NXPH3: variants seen among roughly 807,000 people sequenced by gnomAD.
NXPH3 encodes neurexophilin-3.
Under a neutral mutation model 18.8 loss-of-function variants are expected in NXPH3, and 7 were observed. The observed-to-expected ratio is 0.37, with a 90% CI of 0.21 to 0.70. The LOEUF (loss-of-function observed/expected upper bound fraction) is 0.70. Ranked by LOEUF, NXPH3 falls within the 30% of genes least tolerant of loss-of-function variation. NXPH3 has a pLI of 0.53. For synonymous variants in NXPH3, 101 were observed against 137.3 expected, an observed-to-expected ratio of 0.74 and a Z score of 1.85; for missense variants, 282 against 338.1, an observed-to-expected ratio of 0.83 and a Z score of 1.30.
chr17:49,577,037 C>T (rs1032503760), intron 1 of NXPH3, among the ~76,000 whole-genome samples: 2 of 152,144 alleles, frequency 1.3e-5, no homozygotes, highest in African/African-American at 4.8e-5. Context: ...CTGGACCTGC[C>T]CCTTTAATCA....
chr17:49,580,856 G>C lies in NXPH3; in HGVS notation c.*1556G>C, dbSNP rs1355563728. 6.6e-6 allele frequency: 1 copy of C among 152,250 alleles called. No homozygotes were observed. Among genetic ancestry groups the C allele is most frequent in the African/African-American group, 2.4e-5 (1 of 41,430 alleles). 9.4% of individuals were successfully genotyped at this position (152,250 alleles called of 1,614,324 possible). On this transcript the variant is annotated 3_prime_UTR_variant, in exon 2 of 2. Transcript: ENST00000328741. ...GGGTTTGTTAACACACAGATTTCTGGGTCCTACCCACATTTCTAATTCAGC... is the reference window on the plus strand; with the variant it reads ...GGGTTTGTTAACACACAGATTTCTGCGTCCTACCCACATTTCTAATTCAGC...
chr17:49,576,543 CGGGTCGCCA>C (rs913264153), intron 1 of NXPH3, among the ~76,000 whole-genome samples: 2 of 151,976 alleles, frequency 1.3e-5, no homozygotes, highest in Admixed American at 1.3e-4. Context: ...GGCCTGGAGC[CGGGTCGCCA>C]GGGTTACCCT....
rs866234727 is a variant in NXPH3, at chr17:49,576,258, G to C, written c.39G>C (p.Gln13His). The change falls in exon 1 of 2, where the codon CAG (glutamine) becomes CAC (histidine). Residue 13 changes from glutamine to histidine, a missense_variant. Transcript: ENST00000328741. ...LTRCCFVFLV[Q>H]GSLYLVICGQ... is the part of the protein sequence containing the mutation. Reference sequence around the variant, plus strand: ...GCTGCTGCTTCGTGTTCCTGGTGCAGGGTAGCCTCTATCTGGTGAGTGGTC... The same window carrying C: ...GCTGCTGCTTCGTGTTCCTGGTGCACGGTAGCCTCTATCTGGTGAGTGGTC... The C allele has an allele frequency of 6.4e-7, 1 of 1,568,662 alleles. No individual in the cohort carries two copies. Among genetic ancestry groups the C allele is most frequent in the African/African-American group, 1.4e-5 (1 of 73,760 alleles).
Position 49,578,996 on chromosome 17 carries a change from G to A in NXPH3, c.455G>A (p.Ser152Asn). ...GNISISLVPP[S>N]KAVEFHQEQQ... ...ATCTCCATCAGCCTCGTGCCCCCCA[G>A]TAAAGCTGTAGAGTTCCACCAGGAA... is the stretch of plus-strand genomic sequence containing the variant. The change falls in exon 2 of 2, where the codon AGT (serine) becomes AAT (asparagine). Residue 152 changes from serine (S) to asparagine (N), a missense_variant. Physicochemically the swap from Ser to Asn is conservative, Grantham distance 46. Coordinates refer to ENST00000328741, the MANE Select transcript of NXPH3 (RefSeq NM_007225.4). The surrounding 1 kb of genome is among the most constrained non-coding windows in gnomAD (Gnocchi z 4.5). The A allele has an allele frequency of 6.2e-7, 1 of 1,614,182 alleles. No homozygotes were observed. The highest frequency in any genetic ancestry group is 8.5e-7 in the Non-Finnish European group (1 of 1,180,048).
chr17:49,579,775 A>G lies in NXPH3; in HGVS notation c.*475A>G. 5.9e-6 allele frequency: 1 copy of G among 169,320 alleles called. No homozygotes were observed. The highest frequency in any genetic ancestry group is 1.3e-5 in the Non-Finnish European group (1 of 77,766). 10.5% of individuals were successfully genotyped at this position (169,320 alleles called of 1,614,324 possible). On this transcript the variant is annotated 3_prime_UTR_variant, in exon 2 of 2. Transcript: ENST00000328741. The surrounding 1 kb of genome is among the most constrained non-coding windows in gnomAD (Gnocchi z 6.0). ...GAGGGCTTCCTAGGAGCCAGTCAGC[A>G]GGGTGGGGTGGGGCCAGAGGAGCTC...
rs774903970 is a variant in NXPH3, at chr17:49,578,737, C to T, written c.196C>T (p.Leu66=). ...CCGCCCCATGGCCAATTCCACTCTC[C>T]TAGGGCTGCTGGCCCCGCCTGGGGA... ...KSRPMANSTL[L]GLLAPPGEAW... Residue 66 remains leucine (L), a synonymous_variant, in exon 2 of 2, where the codon CTA becomes TTA. Transcript: ENST00000328741. This position sits in a 1 kb window ranked among gnomAD's most constrained non-coding sequence, Gnocchi z 4.5. The T allele has an allele frequency of 6.2e-7, 1 of 1,613,524 alleles. No individual in the cohort carries two copies. The highest frequency in any genetic ancestry group is 1.1e-5 in the South Asian group (1 of 91,078).
rs1225138530 is a variant in NXPH3 at position 49,580,745 on chromosome 17, C to T, written c.*1445C>T. The T allele has an allele frequency of 1.3e-5, 2 of 152,556 alleles. No homozygotes were observed. Among genetic ancestry groups the T allele is most frequent in the Non-Finnish European group, 2.9e-5 (2 of 68,286 alleles). 9.5% of individuals were successfully genotyped at this position (152,556 alleles called of 1,614,324 possible). On this transcript the variant is annotated 3_prime_UTR_variant, in exon 2 of 2. Coordinates refer to ENST00000328741, the MANE Select transcript of NXPH3 (RefSeq NM_007225.4). ...GCGTGGCCTTGGCCATGTCCATTCT[C>T]CTCTCTGGCTTTCTTTCTTTGTTTC...
rs762981481 is a variant in NXPH3, at chr17:49,576,232, C to CTCT, written c.13_14insTCT (p.Arg5delinsLeuCys). 6.4e-7 allele frequency: 1 copy of CTCT among 1,568,556 alleles called. No individual in the cohort carries two copies. The stretch of plus-strand genomic sequence containing the variant: ...GCGGAGGAGGAAGATGCAACTGACT[C>CTCT]GCTGCTGCTTCGTGTTCCTGGTGCA... On this transcript the variant is annotated protein_altering_variant, in exon 1 of 2. Coordinates refer to ENST00000328741, the MANE Select transcript of NXPH3 (RefSeq NM_007225.4).
At position 49,578,576 on chromosome 17, in the gene NXPH3, A is replaced by T; in HGVS notation, c.55-20A>T. 1 of 1,525,970 alleles carries T rather than the reference A, an allele frequency of 6.6e-7. No homozygotes were observed. Among genetic ancestry groups the T allele is most frequent in the Non-Finnish European group, 8.8e-7 (1 of 1,137,408 alleles). The allele number at this position is 1,525,970 out of a possible 1,614,324, so 94.5% of individuals were successfully genotyped here. The stretch of plus-strand genomic sequence containing the variant: ...CCTCCAGGGACAGGGCTCTCACTGT[A>T]CTCACAACTCCCTCCATAGGTCATC... On this transcript the variant is annotated intron_variant, in intron 1 of 1. Coordinates refer to ENST00000328741, the MANE Select transcript of NXPH3 (RefSeq NM_007225.4). This position sits in a 1 kb window ranked among gnomAD's most constrained non-coding sequence, Gnocchi z 4.5.
Position 49,578,741 on chromosome 17 carries a change from G to A in NXPH3, c.200G>A (p.Gly67Glu). The change falls in exon 2 of 2, where the codon GGG (glycine) becomes GAG (glutamate). Residue 67 changes from glycine (G) to glutamate (E), a missense_variant. Transcript: ENST00000328741. This position sits in a 1 kb window ranked among gnomAD's most constrained non-coding sequence, Gnocchi z 4.5. ...CCCATGGCCAATTCCACTCTCCTAGGGCTGCTGGCCCCGCCTGGGGAGGCT... is the reference window on the plus strand; with the variant it reads ...CCCATGGCCAATTCCACTCTCCTAGAGCTGCTGGCCCCGCCTGGGGAGGCT... The part of the protein sequence containing the change: ...SRPMANSTLL[G>E]LLAPPGEAWG... 1 of 1,613,588 alleles carries A rather than the reference G, an allele frequency of 6.2e-7. No individual in the cohort carries two copies. The highest frequency in any genetic ancestry group is 8.5e-7 in the Non-Finnish European group (1 of 1,179,992).
rs2071612066 is a variant in NXPH3, at chr17:49,583,661, T to C, written c.*4361T>C. 1.3e-5 allele frequency: 2 copies of C among 152,218 alleles called. No individual in the cohort carries two copies. The highest frequency in any genetic ancestry group is 4.8e-5 in the African/African-American group (2 of 41,450). The allele number at this position is 152,218 out of a possible 1,614,324, so 9.4% of individuals were successfully genotyped here. A position where few individuals can be genotyped will look rare whatever the true frequency, so the allele number is the denominator to read the frequency against. On this transcript the variant is annotated 3_prime_UTR_variant, in exon 2 of 2. Transcript: ENST00000328741. ...TGGCAACACAGGTGTTGCAGGAAGATATAGCTGGGTCCTCATCCTGGGTCT... is the reference window on the plus strand; with the variant it reads ...TGGCAACACAGGTGTTGCAGGAAGACATAGCTGGGTCCTCATCCTGGGTCT...
In NXPH3 at chr17:49,579,496, G is replaced by A. The variant is rs2071589613; in HGVS notation, c.*196G>A. 5.0e-6 allele frequency: 3 copies of A among 596,350 alleles called. No homozygotes were observed. Among genetic ancestry groups the A allele is most frequent in the Admixed American group, 5.9e-5 (2 of 33,618 alleles). The allele number at this position is 596,350 out of a possible 1,614,324, so 36.9% of individuals were successfully genotyped here. On this transcript the variant is annotated 3_prime_UTR_variant, in exon 2 of 2. Transcript: ENST00000328741. The surrounding 1 kb of genome is among the most constrained non-coding windows in gnomAD (Gnocchi z 6.0). ...TCCCAAGTGCTGGTCCCAACCTGAA[G>A]CTGTGGAGTGACTAGATCACAGGAG...
Position 49,581,475 on chromosome 17 carries a change from G to A in NXPH3, c.*2175G>A, listed in dbSNP as rs962964416. The A allele has an allele frequency of 9.3e-5, 58 of 621,482 alleles. 1 individual carries two copies. Among genetic ancestry groups the A allele is most frequent in the Middle Eastern group, 7.6e-4 (3 of 3,968 alleles). 38.5% of individuals were successfully genotyped at this position (621,482 alleles called of 1,614,324 possible). ...CAAACTGGTCCCCTCATACTGCAGC[G>A]CAGAGTTGGGTGGGGCTGAGAAGCC... On this transcript the variant is annotated 3_prime_UTR_variant, in exon 2 of 2. Coordinates refer to ENST00000328741, the MANE Select transcript of NXPH3 (RefSeq NM_007225.4).
rs949781750 is a variant in NXPH3 at position 49,581,532 on chromosome 17, C to T, written c.*2232C>T. On this transcript the variant is annotated 3_prime_UTR_variant, in exon 2 of 2. Coordinates refer to ENST00000328741, the MANE Select transcript of NXPH3 (RefSeq NM_007225.4). ...TTACAGCCCACCTTGTAGGAAATGA[C>T]CCAGCTTGTTTCCCCCACATCATGC... The T allele has an allele frequency of 1.5e-6, 1 of 662,206 alleles. No individual in the cohort carries two copies. Among genetic ancestry groups the T allele is most frequent in the Admixed American group, 2.1e-5 (1 of 46,964 alleles). The allele number at this position is 662,206 out of a possible 1,614,324, so 41.0% of individuals were successfully genotyped here. A position where few individuals can be genotyped will look rare whatever the true frequency, so the allele number is the denominator to read the frequency against.
In NXPH3 at chr17:49,583,135, G is replaced by A. The variant is rs555641790; in HGVS notation, c.*3835G>A. Reference sequence around the variant, plus strand: ...AGGCAGCTGAAGGGCAGGGAGGGGTGACCAGGTGCTGGGATCATCGAGTGA... The same window carrying A: ...AGGCAGCTGAAGGGCAGGGAGGGGTAACCAGGTGCTGGGATCATCGAGTGA... On this transcript the variant is annotated 3_prime_UTR_variant, in exon 2 of 2. Coordinates refer to ENST00000328741, the MANE Select transcript of NXPH3 (RefSeq NM_007225.4). 2.0e-4 allele frequency: 31 copies of A among 152,660 alleles called. No homozygotes were observed. The highest frequency in any genetic ancestry group is 6.7e-4 in the African/African-American group (28 of 41,558). 9.5% of individuals were successfully genotyped at this position (152,660 alleles called of 1,614,324 possible).
rs2071588814 is a variant in NXPH3, at chr17:49,579,378, C to A, written c.*78C>A. On this transcript the variant is annotated 3_prime_UTR_variant, in exon 2 of 2. Transcript: ENST00000328741. This position sits in a 1 kb window ranked among gnomAD's most constrained non-coding sequence, Gnocchi z 6.0. Reference sequence around the variant, plus strand: ...TGCAGGAGACCATCTGGACACCGGGCAGGGAAGGGGTTGGGCCTCAGGCAG... The same window carrying A: ...TGCAGGAGACCATCTGGACACCGGGAAGGGAAGGGGTTGGGCCTCAGGCAG... 7.7e-7 allele frequency: 1 copy of A among 1,301,240 alleles called. No homozygotes were observed. Among genetic ancestry groups the A allele is most frequent in the Non-Finnish European group, 1.1e-6 (1 of 943,334 alleles). 80.6% of individuals were successfully genotyped at this position (1,301,240 alleles called of 1,614,324 possible).
Position 49,578,988 on chromosome 17 carries a change from GC to G in NXPH3, c.453del (p.Ser152ValfsTer4). ...GQGNISISLVPPSKAVEFHQE... is the reference protein window; with the variant it reads ...GQGNISISLVXPSKAVEFHQE... ...AGGGAAACATCTCCATCAGCCTCGT[GC>G]CCCCCAGTAAAGCTGTAGAGTTCCA... On this transcript the variant is annotated frameshift_variant, in exon 2 of 2. Transcript: ENST00000328741. LOFTEE classifies it high-confidence loss of function. This position sits in a 1 kb window ranked among gnomAD's most constrained non-coding sequence, Gnocchi z 4.5. 6.2e-7 allele frequency: 1 copy of G among 1,614,148 alleles called. No individual in the cohort carries two copies. Among genetic ancestry groups the G allele is most frequent in the Non-Finnish European group, 8.5e-7 (1 of 1,180,032 alleles).
intron 1 of NXPH3, among the ~76,000 whole-genome samples, chr17:49,576,896 G>A (rs898439648): frequency 2.0e-5 from 3 of 152,158 alleles, no homozygotes; most frequent in Admixed American, 2.0e-4. Context: ...CCGTGCGCCG[G>A]CTCCGCGGCT....
At position 49,582,170 on chromosome 17, in the gene NXPH3, A is replaced by C. The variant is rs2071604129; in HGVS notation, c.*2870A>C. The C allele has an allele frequency of 2.3e-6, 1 of 440,544 alleles. No homozygotes were observed. Among genetic ancestry groups the C allele is most frequent in the African/African-American group, 2.0e-5 (1 of 49,992 alleles). The allele number at this position is 440,544 out of a possible 1,614,324, so 27.3% of individuals were successfully genotyped here. ...AGACGTCACCTCTGCCCCATTGGCG[A>C]GCAGTGTCCCCATGGTGATGCCCCC... On this transcript the variant is annotated 3_prime_UTR_variant, in exon 2 of 2. Coordinates refer to ENST00000328741, the MANE Select transcript of NXPH3 (RefSeq NM_007225.4).
Sources: allele counts gnomAD v4.1 joint callset (sites outside exome capture counted in the v4.1 genomes callset), GRCh38; gene constraint gnomAD v4.1.1; non-coding constraint Gnocchi (gnomAD v3.1); transcripts MANE v1.5; gene names NCBI Gene and HGNC (gene_info 2026-07-23, HGNC 2026-07-21).